Variants in OPHN1 observed in about 807,000 individuals in gnomAD.
OPHN1 encodes the protein oligophrenin 1.
OPHN1 carries 11 observed loss-of-function variants against 60.7 expected under a neutral mutation model. The ratio of observed to expected loss-of-function variants is 0.18; its 90% CI spans 0.11 to 0.30. OPHN1 has a LOEUF of 0.30. Ranked by LOEUF, OPHN1 falls within the 10% of genes least tolerant of loss-of-function variation. The pLI is 1.00. For synonymous variants in OPHN1, 226 were observed against 222.6 expected, an observed-to-expected ratio of 1.02 and a Z score of -0.14; for missense variants, 449 against 611.0, an observed-to-expected ratio of 0.73 and a Z score of 2.80.
intron 20 of OPHN1, among the ~76,000 whole-genome samples, chrX:68,065,285 G>A (rs1050814549): frequency 2.7e-5 from 3 of 110,822 alleles, no homozygotes; most frequent in African/African-American, 9.8e-5. Flanking sequence ...GATACTGACT[G>A]GATAGCTGAT....
chrX:68,125,734 C>T (rs758908825), intron 15 of OPHN1, among the ~76,000 whole-genome samples: 1 of 106,373 alleles, frequency 9.4e-6, no homozygotes, highest in African/African-American at 3.4e-5. Context: ...AGCTTTACTG[C>T]TGAATTCTAC....
At chrX:68,228,362 T>C (rs1432043539) in intron 6 of OPHN1, among the ~76,000 whole-genome samples, 2 of 111,389 alleles carry the variant, frequency 1.8e-5, no homozygotes, top group Admixed American at 9.6e-5. Flanking sequence ...CTTCTGAAAC[T>C]ATTCCAATCC....
chrX:68,166,838 C>T lies in OPHN1; in HGVS notation c.1276+26081G>A. Among the ~76,000 whole-genome samples the T allele has an allele frequency of 3.6e-5, 4 of 111,985 alleles. 1 individual carries two copies. The Middle Eastern group carries it at 0.014, about 398-fold the overall frequency. ...GCTAGGAAAACTGGATATCCATATG[C>T]AGAAGAATGAAACTAGAACCCTATC... On this transcript the variant is annotated intron_variant, in intron 15 of 24. Coordinates refer to ENST00000355520, the MANE Select transcript of OPHN1 (RefSeq NM_002547.3).
intron 2 of OPHN1, among the ~76,000 whole-genome samples, chrX:68,341,706 C>A: frequency 9.1e-6 from 1 of 109,706 alleles, no homozygotes; most frequent in Middle Eastern, 4.7e-3. Flanking sequence ...GGCATGGCGG[C>A]ACGAGCCTGT....
chrX:68,219,271 T>A (rs2077637174), intron 6 of OPHN1, among the ~76,000 whole-genome samples: 1 of 77,941 alleles, frequency 1.3e-5, no homozygotes, highest in Non-Finnish European at 2.4e-5. Context: ...AGCACCAAGA[T>A]TCATAAAGCA....
At chrX:68,313,340 A>C (rs756699726) in intron 2 of OPHN1, among the ~76,000 whole-genome samples, 21 of 111,120 alleles carry the variant, frequency 1.9e-4, no homozygotes, top group African/African-American at 6.9e-4. Context: ...AAAGAAAGGA[A>C]ATCAGCATAC....
At chrX:68,111,761 G>T in intron 18 of OPHN1, 93 bp downstream of exon 18, 1 of 612,837 alleles carries the variant, frequency 1.6e-6, no homozygotes, top group Non-Finnish European at 2.8e-6. Flanking sequence ...AAGGGCTGGG[G>T]CTGAAAGAGC....
chrX:68,254,823 C>T (rs1349776466), intron 5 of OPHN1, among the ~76,000 whole-genome samples: 1 of 109,407 alleles, frequency 9.1e-6, no homozygotes, highest in African/African-American at 3.3e-5. Flanking sequence ...TCACAACCAG[C>T]CTGGGCAACA....
chrX:68,143,618 A>G (rs1425941480), intron 15 of OPHN1, among the ~76,000 whole-genome samples: 1 of 111,260 alleles, frequency 9.0e-6, no homozygotes, highest in Admixed American at 9.6e-5. Flanking sequence ...GGGGTCTAGC[A>G]TTTTCATATG....
chrX:68,432,296 A>AC (rs1202479343), intron 2 of OPHN1, among the ~76,000 whole-genome samples: 3 of 112,051 alleles, frequency 2.7e-5, no homozygotes, highest in Non-Finnish European at 5.6e-5. Context: ...TCCTGAACTT[A>AC]GACTGACCTT....
At chrX:68,426,211 T>C (rs1302567520) in intron 2 of OPHN1, among the ~76,000 whole-genome samples, 2 of 110,681 alleles carry the variant, frequency 1.8e-5, no homozygotes, top group Admixed American at 9.6e-5. Flanking sequence ...GAGGCCGAGA[T>C]GGGTGGATCA....
At chrX:68,383,326 T>C (rs1384887425) in intron 2 of OPHN1, among the ~76,000 whole-genome samples, 1 of 110,346 alleles carries the variant, frequency 9.1e-6, no homozygotes, top group East Asian at 2.9e-4. Flanking sequence ...GCGTGGTGGC[T>C]CACGCCTACA....
In OPHN1 at chrX:68,101,474, T is replaced by C. The variant is rs7881976; in HGVS notation, c.1527-4445A>G. ...AACTGATGAAATTTGGTTTATGTGC[T>C]TGTTAGTTTTCATGTATACTCTAAC... is the stretch of plus-strand genomic sequence containing the variant. On this transcript the variant is annotated intron_variant, in intron 18 of 24. Coordinates refer to ENST00000355520, the MANE Select transcript of OPHN1 (RefSeq NM_002547.3). Among the ~76,000 whole-genome samples the C allele has an allele frequency of 9.2e-3, 1,029 of 112,339 alleles. 15 individuals are homozygous for C. Among genetic ancestry groups the C allele is most frequent in the African/African-American group, 0.032 (985 of 30,954 alleles).
chrX:68,258,086 G>A (rs1025848762), intron 5 of OPHN1, among the ~76,000 whole-genome samples: 1 of 109,361 alleles, frequency 9.1e-6, no homozygotes, highest in Non-Finnish European at 1.9e-5. Context: ...GTGTCTCTCC[G>A]CTCTTTGATG....
At chrX:68,075,439 G>T (rs1051144329) in intron 19 of OPHN1, among the ~76,000 whole-genome samples, 4 of 112,020 alleles carry the variant, frequency 3.6e-5, no homozygotes, top group Non-Finnish European at 5.6e-5. Context: ...TCTACAGACT[G>T]AACACAACCC....
chrX:68,257,038 A>C (rs1602274885), intron 5 of OPHN1, among the ~76,000 whole-genome samples: 3 of 110,473 alleles, frequency 2.7e-5, no homozygotes, highest in African/African-American at 9.9e-5. Flanking sequence ...TCTCAAAAAA[A>C]ATTAAAAAAA....
chrX:68,313,176 C>T (rs1452097824), intron 2 of OPHN1, among the ~76,000 whole-genome samples: 1 of 111,623 alleles, frequency 9.0e-6, no homozygotes, highest in Non-Finnish European at 1.9e-5. Context: ...ATAATAAATG[C>T]TGGCGAGTAT....
At chrX:68,112,054 C>T (rs2077106544) in intron 17 of OPHN1, 95 bp from the exon 18 acceptor site, 3 of 431,525 alleles carry the variant, frequency 7.0e-6, no homozygotes, top group African/African-American at 8.0e-5. Context: ...CACACACATG[C>T]ACACATGCAC....
At chrX:68,268,539 A>T (rs2077946597) in intron 5 of OPHN1, among the ~76,000 whole-genome samples, 2 of 111,919 alleles carry the variant, frequency 1.8e-5, no homozygotes, top group Admixed American at 1.9e-4. Context: ...AAAATTCAAC[A>T]ACGCTTCATG....
Sources: allele counts gnomAD v4.1 joint callset (sites outside exome capture counted in the v4.1 genomes callset), GRCh38; gene constraint gnomAD v4.1.1; transcripts MANE v1.5; gene names NCBI Gene and HGNC (gene_info 2026-07-23, HGNC 2026-07-21).